Variants in NTNG1 observed in about 807,000 individuals in gnomAD.
The protein encoded by NTNG1 is netrin G1.
In NTNG1, 16 loss-of-function variants were observed where a neutral mutation model predicts 54.0. That is an observed-to-expected ratio of 0.30 (90% CI 0.20 to 0.45). NTNG1 has a LOEUF of 0.45. NTNG1 is among the 20% of genes least tolerant of loss of function. The probability of loss-of-function intolerance (pLI) is 1.00; values close to 1 mark genes in which losing one functional copy is unlikely to be tolerated. For missense variants in NTNG1, 530 were observed against 678.7 expected, an observed-to-expected ratio of 0.78 and a Z score of 2.43; for synonymous variants, 255 against 263.1, an observed-to-expected ratio of 0.97 and a Z score of 0.30.
intron 3 of NTNG1, among the ~76,000 whole-genome samples, chr1:107,373,641 C>A (rs1472639968): frequency 6.8e-6 from 1 of 146,872 alleles, no homozygotes; most frequent in East Asian, 2.0e-4. Flanking sequence ...GAAATGAATT[C>A]TTTCAGCTTT....
rs1366686635 is a variant in NTNG1 at position 107,473,436 on chromosome 1, C to T, written c.1391-7175C>T. 2.0e-5 allele frequency among the ~76,000 whole-genome samples: 3 copies of T among 152,134 alleles called. No individual in the cohort carries two copies. In the South Asian group the frequency reaches 6.2e-4, roughly 31 times the overall value. On this transcript the variant is annotated intron_variant, in intron 7 of 7. Transcript: ENST00000370068. The stretch of plus-strand genomic sequence containing the variant: ...GCAACACCAAGTCCTGGCTAATACC[C>T]TCTGAGCATAAGGAGTCCATCTGTG...
chr1:107,480,583 C>CCCCCCT, intron 7 of NTNG1, 28 bp from the exon 8 acceptor site: 1 of 744,750 alleles, frequency 1.3e-6, no homozygotes, highest in Non-Finnish European at 2.3e-6. Flanking sequence ...CGCGCCCACC[C>CCCCCCT]ACCCCTACCT....
At chr1:107,445,530 A>G (rs540423457) in intron 7 of NTNG1, among the ~76,000 whole-genome samples, 282 of 152,284 alleles carry the variant, frequency 1.9e-3, no homozygotes, top group Non-Finnish European at 3.3e-3. Context: ...TTTATAGATG[A>G]CAAAACTGAG....
chr1:107,338,779 A>T (rs1668736291), intron 3 of NTNG1, among the ~76,000 whole-genome samples: 1 of 151,820 alleles, frequency 6.6e-6, no homozygotes, highest in South Asian at 2.1e-4. Flanking sequence ...GACCACAGAG[A>T]ATAGGGTTCT....
At chr1:107,218,729 T>C (rs959179471) in intron 2 of NTNG1, among the ~76,000 whole-genome samples, 1 of 152,206 alleles carries the variant, frequency 6.6e-6, no homozygotes, top group Non-Finnish European at 1.5e-5. Context: ...TTTTGCTGAA[T>C]ACAAAATTCT....
chr1:107,458,291 A>T (rs1677074054), intron 7 of NTNG1, among the ~76,000 whole-genome samples: 1 of 152,166 alleles, frequency 6.6e-6, no homozygotes, highest in East Asian at 1.9e-4. Flanking sequence ...ATCATTTTAA[A>T]TTTAACTCCA....
At chr1:107,185,232 A>G (rs998815449) in intron 2 of NTNG1, among the ~76,000 whole-genome samples, 1 of 152,230 alleles carries the variant, frequency 6.6e-6, no homozygotes, top group Non-Finnish European at 1.5e-5. Context: ...GCTTAAAAGC[A>G]TGCATATATC....
intron 2 of NTNG1, among the ~76,000 whole-genome samples, chr1:107,163,974 T>C (rs1655590385): frequency 6.6e-6 from 1 of 152,180 alleles, no homozygotes; most frequent in Non-Finnish European, 1.5e-5. Flanking sequence ...ATCCCCTTCC[T>C]CAAAAGCATC....
intron 2 of NTNG1, among the ~76,000 whole-genome samples, chr1:107,195,177 C>T (rs1557799215): frequency 6.6e-6 from 1 of 151,988 alleles, no homozygotes; most frequent in Non-Finnish European, 1.5e-5. Flanking sequence ...TGTTAAGCTT[C>T]ACTTAAGCTT....
At chr1:107,354,939 G>T (rs1049996122) in intron 3 of NTNG1, among the ~76,000 whole-genome samples, 1 of 152,144 alleles carries the variant, frequency 6.6e-6, no homozygotes, top group Admixed American at 6.5e-5. Context: ...AGACAAGGGA[G>T]CAGTGTGCCC....
At chr1:107,400,869 C>A (rs923559858) in intron 4 of NTNG1, among the ~76,000 whole-genome samples, 2 of 152,240 alleles carry the variant, frequency 1.3e-5, no homozygotes, top group South Asian at 4.1e-4. Flanking sequence ...AGGCTGCTCT[C>A]GAACTTCTGA....
In NTNG1 at chr1:107,395,270, G is replaced by A. The variant is rs1336846398; in HGVS notation, c.1004G>A (p.Gly335Asp). The A allele has an allele frequency of 6.2e-7, 1 of 1,613,584 alleles. No individual in the cohort carries two copies. The change falls in exon 4 of 8, where the codon GGC (glycine) becomes GAC (aspartate). Residue 335 changes from glycine to aspartate, a missense_variant. Physicochemically the swap from Gly to Asp is moderately conservative, Grantham distance 94. Around this residue, in one of 2 missense-constraint regions of NTNG1, gnomAD observed 318 missense variants for 465.1 expected, o/e 0.68. Coordinates refer to ENST00000370068, the MANE Select transcript of NTNG1 (RefSeq NM_001113226.3). ...DCGKCKKNYQ[G>D]RPWSPGSYLP... is the part of the protein sequence containing the mutation. ...GGGAAATGCAAGAAGAATTATCAGGGCCGACCTTGGAGTCCAGGCTCCTAT... is the reference window on the plus strand; with the variant it reads ...GGGAAATGCAAGAAGAATTATCAGGACCGACCTTGGAGTCCAGGCTCCTAT...
intron 5 of NTNG1, chr1:107,410,239 A>G (rs1283790324): frequency 2.0e-5 from 3 of 152,210 alleles, no homozygotes; most frequent in African/African-American, 4.8e-5. Context: ...ATTGATGTAT[A>G]TAACCATCAG....
At chr1:107,234,441 C>T (rs972008823) in intron 2 of NTNG1, among the ~76,000 whole-genome samples, 16 of 151,132 alleles carry the variant, frequency 1.1e-4, no homozygotes, top group African/African-American at 3.4e-4. Flanking sequence ...GTTTTTTTTT[C>T]GGAAATGTAT....
At chr1:107,407,155 A>C (rs1161502618) in intron 4 of NTNG1, among the ~76,000 whole-genome samples, 1 of 152,178 alleles carries the variant, frequency 6.6e-6, no homozygotes, top group Non-Finnish European at 1.5e-5. Context: ...TAAAAGAATA[A>C]AAATGATGGT....
chr1:107,359,128 A>G (rs1670114781), intron 3 of NTNG1, among the ~76,000 whole-genome samples: 1 of 152,260 alleles, frequency 6.6e-6, no homozygotes, highest in African/African-American at 2.4e-5. Context: ...TGGACACACA[A>G]ACTGAGCTGT....
intron 2 of NTNG1, among the ~76,000 whole-genome samples, chr1:107,280,033 T>TGG (rs906533951): frequency 1.3e-5 from 1 of 79,306 alleles, no homozygotes; most frequent in African/African-American, 4.4e-5. Context: ...GTTCCTTTGT[T>TGG]GGTGTGTGTG....
intron 7 of NTNG1, among the ~76,000 whole-genome samples, chr1:107,463,742 AG>A (rs1677427249): frequency 6.6e-6 from 1 of 152,134 alleles, no homozygotes; most frequent in South Asian, 2.1e-4. Flanking sequence ...AGTCTATATA[AG>A]GCAAGAGCCC....
intron 2 of NTNG1, among the ~76,000 whole-genome samples, chr1:107,171,892 T>C (rs1001913960): frequency 1.7e-5 from 1 of 57,552 alleles, no homozygotes; most frequent in African/African-American, 4.3e-5. Context: ...CTGGATTTTT[T>C]CCCCTTTTTT....
Sources: gnomAD v4.1 joint callset for allele counts (sites outside exome capture counted in the v4.1 genomes callset) on GRCh38, gnomAD v4.1.1 for gene constraint, gnomAD v4.1.1 regional missense constraint, MANE v1.5 for transcripts, NCBI Gene and HGNC (gene_info 2026-07-23, HGNC 2026-07-21) for gene names.